The following CFAP97 variants were observed in gnomAD, a reference collection of about 807,000 sequenced individuals.
The protein encoded by CFAP97 is cilia- and flagella-associated protein 97.
In CFAP97, 36 loss-of-function variants were observed where a neutral mutation model predicts 43.1. That is an observed-to-expected ratio of 0.84 (90% CI 0.64 to 1.10). CFAP97 has a LOEUF of 1.10. Among genes scored for constraint, CFAP97 ranks in the 50% least tolerant of loss-of-function variants. CFAP97 has a pLI of 0.00. For synonymous variants in CFAP97, 228 were observed against 225.7 expected, an observed-to-expected ratio of 1.01 and a Z score of -0.09; for missense variants, 657 against 620.3, an observed-to-expected ratio of 1.06 and a Z score of -0.63.
At chr4:185,187,920 C>A (rs142699993) in intron 2 of CFAP97, among the ~76,000 whole-genome samples, 1 of 152,008 alleles carries the variant, frequency 6.6e-6, no homozygotes, top group African/African-American at 2.4e-5. Context: ...TTTTTTGAGA[C>A]GGAGTCTCGC....
At chr4:185,183,308 T>C (rs1176319393) in intron 2 of CFAP97, among the ~76,000 whole-genome samples, 1 of 152,224 alleles carries the variant, frequency 6.6e-6, no homozygotes, top group African/African-American at 2.4e-5. Context: ...GCAGAGAGTA[T>C]GCTGCATTCC....
At chr4:185,171,260 G>A (rs1329601397) in intron 3 of CFAP97, among the ~76,000 whole-genome samples, 5 of 152,086 alleles carry the variant, frequency 3.3e-5, no homozygotes, top group Non-Finnish European at 5.9e-5. Flanking sequence ...AGCTACTCGG[G>A]AGGCTGAGCT....
chr4:185,175,641 A>G lies in CFAP97; in HGVS notation c.1320+145T>C, dbSNP rs1735485419. 31 of 703,918 alleles carry G rather than the reference A, an allele frequency of 4.4e-5. No homozygotes were observed. In the South Asian group the frequency reaches 5.4e-4, roughly 12 times the overall value. The allele number at this position is 703,918 out of a possible 1,614,324, so 43.6% of individuals were successfully genotyped here. On this transcript the variant is annotated intron_variant, in intron 3 of 4. Transcript: ENST00000458385. ...ATCGTATCCTCCGGACTTACAGCAC[A>G]TCATATGTTTCATACCACACATACC...
Position 185,162,198 on chromosome 4 carries a change from G to A in CFAP97, c.*600C>T, listed in dbSNP as rs1734896160. 6.6e-6 allele frequency: 1 copy of A among 152,442 alleles called. No individual in the cohort carries two copies. The highest frequency in any genetic ancestry group is 2.1e-4 in the South Asian group (1 of 4,842). 9.4% of individuals were successfully genotyped at this position (152,442 alleles called of 1,614,324 possible). A position where few individuals can be genotyped will look rare whatever the true frequency, so the allele number is the denominator to read the frequency against. ...TCAAACTTTTAAGATCTAACTCAGT[G>A]CACTTATACAACAACTAGATACCTC... On this transcript the variant is annotated 3_prime_UTR_variant, in exon 5 of 5. Transcript: ENST00000458385.
intron 2 of CFAP97, among the ~76,000 whole-genome samples, chr4:185,179,844 G>T (rs1735714227): frequency 6.6e-6 from 1 of 152,132 alleles, no homozygotes. Context: ...AGTTTTTGTT[G>T]TTATTTGGTT....
In CFAP97 at chr4:185,191,206, A is replaced by C; in HGVS notation, c.-10T>G. On this transcript the variant is annotated 5_prime_UTR_variant, in exon 2 of 5. The change creates a new upstream start codon in the 5' untranslated region. Transcript: ENST00000458385. The stretch of plus-strand genomic sequence containing the variant: ...CTCCAAACTGATCCATGATGGCAAA[A>C]ATATATCTGAAAAAAAAATGTAAAC... 6.8e-7 allele frequency: 1 copy of C among 1,468,108 alleles called. No individual in the cohort carries two copies. The highest frequency in any genetic ancestry group is 9.0e-7 in the Non-Finnish European group (1 of 1,116,426). The allele number at this position is 1,468,108 out of a possible 1,614,324, so 90.9% of individuals were successfully genotyped here.
rs1254143958 is a variant in CFAP97 at position 185,190,211 on chromosome 4, G to A, written c.986C>T (p.Ser329Phe). Reference sequence around the variant, plus strand: ...CTGTTTATGTCTGTGGTCTAAACTGGAGTCTAACACTGAAGACGACTTTGA... The same window carrying A: ...CTGTTTATGTCTGTGGTCTAAACTGAAGTCTAACACTGAAGACGACTTTGA... ...VSSKSSSVLD[S>F]SLDHRHKQKV... The change falls in exon 2 of 5, where the codon TCC (serine) becomes TTC (phenylalanine). Residue 329 changes from serine to phenylalanine, a missense_variant. Transcript: ENST00000458385. 5.6e-6 allele frequency: 9 copies of A among 1,612,438 alleles called. No homozygotes were observed. Among genetic ancestry groups the A allele is most frequent in the African/African-American group, 1.3e-5 (1 of 74,804 alleles).
In CFAP97 at chr4:185,190,268, T is replaced by G. The variant is rs766118958; in HGVS notation, c.929A>C (p.Lys310Thr). ...ATCAGGCTCATGTTTTTCTTTCCCT[T>G]TTTTGGCTGCTTTCAAATATTTTGA... ...NNSKYLKAAK[K>T]GKEKHEPDVS... is the part of the protein sequence containing the mutation. Residue 310 changes from lysine (K) to threonine (T), a missense_variant, in exon 2 of 5, where the codon AAA (lysine) becomes ACA (threonine). Coordinates refer to ENST00000458385, the MANE Select transcript of CFAP97 (RefSeq NM_020827.3). 84 of 1,612,778 alleles carry G rather than the reference T, an allele frequency of 5.2e-5. No homozygotes were observed. The highest frequency in any genetic ancestry group is 6.6e-5 in the Non-Finnish European group (78 of 1,179,234).
Position 185,162,747 on chromosome 4 carries a change from C to T in CFAP97, c.*51G>A, listed in dbSNP as rs747893588. ...ACACAGAGAATTATAGGAATATGCA[C>T]GAGCACTTCAAGAAAAGTTGTGTGA... is the stretch of plus-strand genomic sequence containing the variant. On this transcript the variant is annotated 3_prime_UTR_variant, in exon 5 of 5. Transcript: ENST00000458385. 4.9e-4 allele frequency: 773 copies of T among 1,574,126 alleles called. No homozygotes were observed. The highest frequency in any genetic ancestry group is 6.1e-4 in the Non-Finnish European group (706 of 1,152,136).
At chr4:185,197,066 T>G (rs533063814) in intron 1 of CFAP97, among the ~76,000 whole-genome samples, 1 of 130,418 alleles carries the variant, frequency 7.7e-6, no homozygotes, top group African/African-American at 3.0e-5. Context: ...GCCACTGCAC[T>G]CCATCCTGGG....
rs71593605 is a variant in CFAP97 at position 185,176,065 on chromosome 4, C to CA, written c.1055-15dup. The CA allele has an allele frequency of 0.4, 525,718 of 1,300,410 alleles. 53,560 individuals carry two copies. The highest frequency in any genetic ancestry group is 0.54 in the African/African-American group (33,726 of 62,298). 80.6% of individuals were successfully genotyped at this position (1,300,410 alleles called of 1,614,324 possible). A position where few individuals can be genotyped will look rare whatever the true frequency, so the allele number is the denominator to read the frequency against. ...ATTGCAGAAAAGCTACAGAAAAGAA[C>CA]AAAAAAAAAAGAGAAAATGGCCAAA... On this transcript the variant is annotated splice_polypyrimidine_tract_variant and intron_variant, in intron 2 of 4. Transcript: ENST00000458385.
Position 185,182,772 on chromosome 4 carries a change from G to A in CFAP97, c.1055-6721C>T, listed in dbSNP as rs1032451937. On this transcript the variant is annotated intron_variant, in intron 2 of 4. Transcript: ENST00000458385. Reference sequence around the variant, plus strand: ...TCTTTTATCAATCTTTGTTTCATAGGCTTAATATTTTATAGTTCAAATTTC... The same window carrying A: ...TCTTTTATCAATCTTTGTTTCATAGACTTAATATTTTATAGTTCAAATTTC... Among the ~76,000 whole-genome samples, 7 of 152,180 alleles carry A rather than the reference G, an allele frequency of 4.6e-5. No individual in the cohort carries two copies. In the East Asian group the frequency reaches 1.2e-3, roughly 25 times the overall value.
intron 1 of CFAP97, among the ~76,000 whole-genome samples, chr4:185,198,459 A>AGGAAAGAG (rs1338347404): frequency 4.7e-5 from 7 of 149,564 alleles, no homozygotes; most frequent in Non-Finnish European, 1.0e-4. Context: ...AAAAAAAAGA[A>AGGAAAGAG]AGAAAGGAAG....
At chr4:185,178,240 C>CTTTTTT (rs562452947) in intron 2 of CFAP97, among the ~76,000 whole-genome samples, 3 of 64,218 alleles carry the variant, frequency 4.7e-5, no homozygotes, top group Non-Finnish European at 5.9e-5. Flanking sequence ...CGGTTTTTGT[C>CTTTTTT]TTTTTTTTTT....
rs959231673 is a variant in CFAP97, at chr4:185,209,078, C to T, written c.-74+247G>A. Among the ~76,000 whole-genome samples, 4 of 152,166 alleles carry T rather than the reference C, an allele frequency of 2.6e-5. No individual in the cohort carries two copies. Among genetic ancestry groups the T allele is most frequent in the African/African-American group, 9.7e-5 (4 of 41,436 alleles). ...CTGCGTGCACCCTGTTGCACCAGGC[C>T]GACTTCTTTGGACCTTTCCATAGCT... On this transcript the variant is annotated intron_variant, in intron 1 of 2. Coordinates refer to the CFAP97 transcript ENST00000503223. This position sits in a 1 kb window ranked among gnomAD's most constrained non-coding sequence, Gnocchi z 5.2.
Position 185,161,517 on chromosome 4 carries a change from G to A in CFAP97, c.*1281C>T, listed in dbSNP as rs952136204. On this transcript the variant is annotated 3_prime_UTR_variant, in exon 5 of 5. Transcript: ENST00000458385. ...ATGGAACCTTTCCAATACATTTTAAGGGCATACTGAAAAGGCTAGTAGTGA... is the reference window on the plus strand; with the variant it reads ...ATGGAACCTTTCCAATACATTTTAAAGGCATACTGAAAAGGCTAGTAGTGA... 1 of 152,114 alleles carries A rather than the reference G, an allele frequency of 6.6e-6. No homozygotes were observed. Among genetic ancestry groups the A allele is most frequent in the Non-Finnish European group, 1.5e-5 (1 of 68,022 alleles). 9.4% of individuals were successfully genotyped at this position (152,114 alleles called of 1,614,324 possible).
intron 2 of CFAP97, among the ~76,000 whole-genome samples, chr4:185,183,426 T>G (rs1336693507): frequency 6.6e-6 from 1 of 152,190 alleles, no homozygotes; most frequent in East Asian, 1.9e-4. Flanking sequence ...AGAAATTAGG[T>G]AAGCCAAAGC....
intron 1 of CFAP97, among the ~76,000 whole-genome samples, chr4:185,201,793 G>A (rs1029076259): frequency 6.6e-6 from 1 of 151,974 alleles, no homozygotes; most frequent in Non-Finnish European, 1.5e-5. Flanking sequence ...TGTATTTACC[G>A]TCCCATAGTT....
chr4:185,186,972 C>T (rs1484226949), intron 2 of CFAP97, among the ~76,000 whole-genome samples: 1 of 152,146 alleles, frequency 6.6e-6, no homozygotes, highest in African/African-American at 2.4e-5. Context: ...TGTCTGTCAA[C>T]CCAATAAATC....
Sources: allele counts gnomAD v4.1 joint callset (sites outside exome capture counted in the v4.1 genomes callset), GRCh38; gene constraint gnomAD v4.1.1; non-coding constraint Gnocchi (gnomAD v3.1); transcripts MANE v1.5; gene names NCBI Gene and HGNC (gene_info 2026-07-23, HGNC 2026-07-21).